Variants in MYH6 observed in about 807,000 individuals in gnomAD.
MYH6 encodes myosin-6.
Under a neutral mutation model 223.2 loss-of-function variants are expected in MYH6, and 126 were observed. The observed-to-expected ratio is 0.56, with a 90% CI of 0.49 to 0.65. The LOEUF is 0.65. Ranked by LOEUF, MYH6 falls within the 30% of genes least tolerant of loss-of-function variation. MYH6 has a pLI of 0.00. For missense variants in MYH6, 2,040 were observed against 2,536.4 expected, an observed-to-expected ratio of 0.80 and a Z score of 4.20; for synonymous variants, 978 against 1,010.2, an observed-to-expected ratio of 0.97 and a Z score of 0.61.
intron 7 of MYH6, 62 bp downstream of exon 7, chr14:23,404,649 G>A: frequency 2.7e-6 from 4 of 1,487,112 alleles, no homozygotes; most frequent in South Asian, 2.3e-5. Context: ...GAGGGTTAGG[G>A]GTAACTCGGG....
At position 23,385,951 on chromosome 14, in the gene MYH6, G is replaced by T. The variant is rs140651265; in HGVS notation, c.5140C>A (p.Arg1714=). 90 of 1,614,172 alleles carry T rather than the reference G, an allele frequency of 5.6e-5. No homozygotes were observed. In the African/African-American group the frequency reaches 1.0e-3, roughly 19 times the overall value. The part of the protein sequence containing the change: ...AEQELIETSE[R]VQLLHSQNTS... Reference sequence around the variant, plus strand: ...ACCTGGGAATGCAGCAGCTGCACCCGCTCGCTGGTCTCAATCAGCTCCTGC... The same window carrying T: ...ACCTGGGAATGCAGCAGCTGCACCCTCTCGCTGGTCTCAATCAGCTCCTGC... The change falls in exon 34 of 39, where the codon CGG becomes AGG. Residue 1714 remains arginine (R), a synonymous_variant. Coordinates refer to ENST00000405093, the MANE Select transcript of MYH6 (RefSeq NM_002471.4).
chr14:23,382,794 G>A (rs1174601424), intron 37 of MYH6, among the ~76,000 whole-genome samples: 1 of 152,144 alleles, frequency 6.6e-6, no homozygotes, highest in African/African-American at 2.4e-5. Context: ...CATGCTGCCC[G>A]ATCTGGGCCC....
At chr14:23,390,036 G>A in intron 26 of MYH6, 21 bp downstream of exon 26, 2 of 1,613,484 alleles carry the variant, frequency 1.2e-6, no homozygotes, top group Non-Finnish European at 1.7e-6. Context: ...AGAGGGCGAG[G>A]GGAGGCCGAG....
chr14:23,403,857 C>G, intron 8 of MYH6, 79 bp from the exon 9 acceptor site: 1 of 1,294,350 alleles, frequency 7.7e-7, no homozygotes, highest in Non-Finnish European at 1.1e-6. Flanking sequence ...AGCCCAGAAG[C>G]CCTGGATGGT....
chr14:23,392,227 C>T (rs890593724), intron 25 of MYH6, among the ~76,000 whole-genome samples: 1 of 151,096 alleles, frequency 6.6e-6, no homozygotes, highest in Non-Finnish European at 1.5e-5. Flanking sequence ...TTTCACCCTG[C>T]GTTCAGAGGG....
intron 10 of MYH6, 27 bp downstream of exon 10, chr14:23,403,321 T>C: frequency 1.3e-6 from 2 of 1,587,002 alleles, no homozygotes. Context: ...GGGACAGCAG[T>C]GGGTGGGGGG....
At position 23,388,141 on chromosome 14, in the gene MYH6, C is replaced by A; in HGVS notation, c.4359+14G>T. The A allele has an allele frequency of 2.5e-6, 4 of 1,612,258 alleles. No individual in the cohort carries two copies. Among genetic ancestry groups the A allele is most frequent in the Non-Finnish European group, 3.4e-6 (4 of 1,180,016 alleles). Reference sequence around the variant, plus strand: ...TGCCCTGCATGCTGGCTGCGGCCCCCGCCCATGGTCCACCTTGTCAAAGTT... The same window carrying A: ...TGCCCTGCATGCTGGCTGCGGCCCCAGCCCATGGTCCACCTTGTCAAAGTT... On this transcript the variant is annotated intron_variant, in intron 30 of 38. Coordinates refer to ENST00000405093, the MANE Select transcript of MYH6 (RefSeq NM_002471.4).
At chr14:23,398,008 TCTTCTTCTTCTTCTTCCTTCTA>T in intron 15 of MYH6, among the ~76,000 whole-genome samples, 1 of 146,806 alleles carries the variant, frequency 6.8e-6, no homozygotes, top group Non-Finnish European at 1.5e-5. Flanking sequence ...TTCTTCTTCT[TCTTCTTCTTCTTCTTCCTTCTA>T]TTTTTGAGAT....
chr14:23,385,863 C>G, intron 34 of MYH6, 65 bp downstream of exon 34: 1 of 1,609,538 alleles, frequency 6.2e-7, no homozygotes, highest in South Asian at 1.1e-5. Context: ...GAACATCTGG[C>G]TTTTCTAGAT....
rs963966047 is a variant in MYH6 at position 23,384,559 on chromosome 14, C to T, written c.5448G>A (p.Lys1816=). The T allele has an allele frequency of 1.9e-6, 3 of 1,613,614 alleles. No individual in the cohort carries two copies. In the African/African-American group the frequency reaches 4.0e-5, roughly 22 times the overall value. ...CCAGCTCCCGCACCCGCGCTTCCAG[C>T]TTCTGCAGCTGCTTCTTGCCTCCCT... The part of the protein sequence containing the change: ...ALKGGKKQLQ[K]LEARVRELEG... Residue 1816 remains lysine, a synonymous_variant, in exon 36 of 39, where the codon AAG becomes AAA. Transcript: ENST00000405093.
In MYH6 at chr14:23,393,248, T is replaced by A; in HGVS notation, c.3105+94A>T. 1.9e-6 allele frequency: 3 copies of A among 1,552,800 alleles called. No homozygotes were observed. The South Asian group carries it at 3.4e-5, about 17-fold the overall frequency. ...GAGAGCAAAAAAGCTTCAGGGGCCA[T>A]AGAAGTTAATTCTAGGGATCAGGAC... is the stretch of plus-strand genomic sequence containing the variant. On this transcript the variant is annotated intron_variant, in intron 23 of 38. Transcript: ENST00000405093.
At position 23,396,820 on chromosome 14, in the gene MYH6, G is replaced by A; in HGVS notation, c.2169-3C>T. 1.9e-6 allele frequency: 3 copies of A among 1,614,000 alleles called. 1 individual carries two copies. In the South Asian group the frequency reaches 3.3e-5, roughly 18 times the overall value. On this transcript the variant is annotated splice_region_variant and splice_polypyrimidine_tract_variant and intron_variant, in intron 18 of 38. Transcript: ENST00000405093. The stretch of plus-strand genomic sequence containing the variant: ...CCACTGGGTTCAGGATGCGATACCT[G>A]AGGAGGGAAGTGTCCAGAGTCACCC...
At chr14:23,400,504 C>A in intron 13 of MYH6, 78 bp from the exon 14 acceptor site, 1 of 1,609,728 alleles carries the variant, frequency 6.2e-7, no homozygotes, top group Non-Finnish European at 8.5e-7. Flanking sequence ...TGCACTGTGC[C>A]GAGCCCAGCA....
At position 23,389,640 on chromosome 14, in the gene MYH6, G is replaced by A; in HGVS notation, c.3812C>T (p.Ser1271Phe). ...TCGCTGGGTGGTGAAATCATTGAGG[G>A]AGCGTTGGGCCTCTTCTAGCTTCAC... The part of the protein sequence containing the change: ...YRVKLEEAQR[S>F]LNDFTTQRAK... Residue 1271 changes from serine to phenylalanine, a missense_variant, in exon 27 of 39, where the codon TCC becomes TTC. Transcript: ENST00000405093. 6.2e-7 allele frequency: 1 copy of A among 1,614,188 alleles called. No homozygotes were observed. Among genetic ancestry groups the A allele is most frequent in the South Asian group, 1.1e-5 (1 of 91,082 alleles).
Position 23,405,494 on chromosome 14 carries a change from G to C in MYH6, c.346-115C>G. The C allele has an allele frequency of 6.3e-7, 1 of 1,596,000 alleles. No individual in the cohort carries two copies. The highest frequency in any genetic ancestry group is 8.6e-7 in the Non-Finnish European group (1 of 1,166,624). ...AGCTGGCTCTACTCCTCCTGCAGCT[G>C]ACTAGGGGTGGAGGGGGGAAGGGGA... On this transcript the variant is annotated intron_variant, in intron 4 of 38. Transcript: ENST00000405093. The surrounding 1 kb of genome is among the most constrained non-coding windows in gnomAD (Gnocchi z 4.7).
At chr14:23,402,843 G>A (rs1251040109) in intron 10 of MYH6, 43 bp from the exon 11 acceptor site, 1 of 1,417,332 alleles carries the variant, frequency 7.1e-7, no homozygotes, top group Admixed American at 1.7e-5. Flanking sequence ...GGGGCAGGCG[G>A]AGGGCAGGGA....
intron 3 of MYH6, among the ~76,000 whole-genome samples, chr14:23,406,143 C>T (rs76358702): frequency 0.057 from 8,659 of 152,120 alleles, 415 homozygotes; most frequent in African/African-American, 0.13. Context: ...GGCTGTCTCC[C>T]GCGGGCAGCG....
At chr14:23,394,874 A>C (rs1239042649) in intron 20 of MYH6, among the ~76,000 whole-genome samples, 2 of 152,064 alleles carry the variant, frequency 1.3e-5, no homozygotes, top group Non-Finnish European at 2.9e-5. Context: ...ATTTTACTTT[A>C]TTTATTTTGA....
Position 23,386,479 on chromosome 14 carries a change from G to A in MYH6, c.4795C>T (p.Leu1599=). Residue 1599 remains leucine, a synonymous_variant, in exon 33 of 39, where the codon CTG becomes TTG. Coordinates refer to ENST00000405093, the MANE Select transcript of MYH6 (RefSeq NM_002471.4). ...GTCTCTGCATCCAGGGAGGTCTGCA[G>A]CGAGTCCACCACCCGCTGGTGGTTG... is the stretch of plus-strand genomic sequence containing the variant. The part of the protein sequence containing the change: ...KRNHQRVVDS[L]QTSLDAETRS... 6.2e-7 allele frequency: 1 copy of A among 1,614,184 alleles called. No individual in the cohort carries two copies. Among genetic ancestry groups the A allele is most frequent in the Non-Finnish European group, 8.5e-7 (1 of 1,180,036 alleles).
Sources: allele counts gnomAD v4.1 joint callset (sites outside exome capture counted in the v4.1 genomes callset), GRCh38; gene constraint gnomAD v4.1.1; non-coding constraint Gnocchi (gnomAD v3.1); transcripts MANE v1.5; gene names NCBI Gene and HGNC (gene_info 2026-07-23, HGNC 2026-07-21).